Variants in CBLB observed in about 807,000 individuals in gnomAD.
The protein encoded by CBLB is Cbl proto-oncogene B, also known as E3 ubiquitin-protein ligase CBL-B.
Under a neutral mutation model 104.9 loss-of-function variants are expected in CBLB, and 31 were observed. That is an observed-to-expected ratio of 0.30 (90% CI 0.22 to 0.40). CBLB has a LOEUF of 0.40. Ranked by LOEUF, CBLB falls within the 10% of genes least tolerant of loss-of-function variation. The pLI is 1.00. For missense variants in CBLB, 1,062 were observed against 1,214.6 expected (o/e 0.87, Z 1.87); for synonymous variants, 440 against 422.6 (o/e 1.04, Z -0.51).
chr3:105,836,565 T>C (rs116432649), intron 3 of CBLB, among the ~76,000 whole-genome samples: 2,184 of 152,202 alleles, frequency 0.014, 45 homozygotes, highest in African/African-American at 0.05. Flanking sequence ...AAAGAAAAAC[T>C]ATTTCACAAA....
chr3:105,869,196 G>A, upstream of CBLB: 1 of 620,590 alleles, frequency 1.6e-6, no homozygotes, highest in Non-Finnish European at 2.8e-6. Context: ...AGTACACAAT[G>A]GCCCCAGAGG....
At chr3:105,757,416 A>G (rs1038767728) in intron 4 of CBLB, among the ~76,000 whole-genome samples, 3 of 152,190 alleles carry the variant, frequency 2.0e-5, no homozygotes, top group Admixed American at 1.3e-4. Flanking sequence ...GATGGCATGT[A>G]TCAGAACTAC....
chr3:105,751,239 C>T (rs540727812), intron 5 of CBLB, among the ~76,000 whole-genome samples: 166 of 152,314 alleles, frequency 1.1e-3, no homozygotes, highest in African/African-American at 3.3e-3. Flanking sequence ...CCACCAGGCT[C>T]ACAGCATCTG....
At chr3:105,794,483 G>T (rs1028511606) in intron 3 of CBLB, among the ~76,000 whole-genome samples, 1 of 152,160 alleles carries the variant, frequency 6.6e-6, no homozygotes, top group Non-Finnish European at 1.5e-5. Context: ...AATAATCACA[G>T]AATTGTACAG....
chr3:105,794,652 G>A (rs980791881), intron 3 of CBLB, among the ~76,000 whole-genome samples: 6 of 152,026 alleles, frequency 3.9e-5, no homozygotes, highest in Non-Finnish European at 7.4e-5. Flanking sequence ...GTACCTTATC[G>A]TATTATCCCC....
intron 3 of CBLB, among the ~76,000 whole-genome samples, chr3:105,853,151 T>C (rs1296931322): frequency 6.6e-6 from 1 of 152,186 alleles, no homozygotes; most frequent in Non-Finnish European, 1.5e-5. Context: ...CTAGGAGCAA[T>C]AGGCTACATC....
rs1303382228 is a variant in CBLB, at chr3:105,832,277, T to C, written c.419+21137A>G. Among the ~76,000 whole-genome samples, 3 of 152,248 alleles carry C rather than the reference T, an allele frequency of 2.0e-5. No homozygotes were observed. The East Asian group carries it at 5.8e-4, about 29-fold the overall frequency. The stretch of plus-strand genomic sequence containing the variant: ...TGTCCACTAAGAAGAAAATATAACA[T>C]GAATCAGGATAAATAACAAACATCA... On this transcript the variant is annotated intron_variant, in intron 3 of 18. Coordinates refer to ENST00000394030, the MANE Select transcript of CBLB (RefSeq NM_170662.5).
chr3:105,678,554 C>A lies in CBLB; in HGVS notation c.2446G>T (p.Ala816Ser), dbSNP rs764154324. The A allele has an allele frequency of 6.2e-7, 1 of 1,612,800 alleles. No individual in the cohort carries two copies. The change falls in exon 17 of 19, where the codon GCC becomes TCC. Residue 816 changes from alanine (A) to serine (S), a missense_variant. Transcript: ENST00000394030. The part of the protein sequence containing the change: ...IPPLGEDAFD[A>S]LPPSLPPPPP... ...GGAGGTGGGAGAGATGGAGGGAGGG[C>A]ATCAAAAGCATCTTCACCTGCATTT...
At chr3:105,662,610 T>G (rs559062650) in intron 18 of CBLB, among the ~76,000 whole-genome samples, 4 of 152,214 alleles carry the variant, frequency 2.6e-5, no homozygotes, top group African/African-American at 7.2e-5. Context: ...GTCATTAATA[T>G]TTTAAAGCAC....
chr3:105,805,062 C>CACCT (rs1359055455), intron 3 of CBLB, among the ~76,000 whole-genome samples: 4 of 152,148 alleles, frequency 2.6e-5, no homozygotes, highest in Admixed American at 1.3e-4. Context: ...AGCCCATGGC[C>CACCT]ACCTATTGGT....
intron 3 of CBLB, among the ~76,000 whole-genome samples, chr3:105,788,224 T>G (rs148683557): frequency 1.8e-4 from 27 of 152,270 alleles, no homozygotes; most frequent in African/African-American, 6.3e-4. Flanking sequence ...TCTCACTGAC[T>G]GCAAAGACAA....
chr3:105,834,971 C>G (rs2088220608), intron 3 of CBLB, among the ~76,000 whole-genome samples: 1 of 152,210 alleles, frequency 6.6e-6, no homozygotes, highest in African/African-American at 2.4e-5. Context: ...ACAACGCTGA[C>G]AAGGTGTACA....
chr3:105,711,380 T>A (rs2152806793), intron 10 of CBLB, among the ~76,000 whole-genome samples: 1 of 152,192 alleles, frequency 6.6e-6, no homozygotes. Context: ...AAGCATATTT[T>A]ACTTGCTACT....
chr3:105,660,533 C>A (rs551314162), intron 18 of CBLB, among the ~76,000 whole-genome samples: 55 of 152,230 alleles, frequency 3.6e-4, no homozygotes, highest in African/African-American at 1.3e-3. Context: ...TCATGAAATA[C>A]ACTTATGGAT....
At chr3:105,800,173 TC>T (rs1407452840) in intron 3 of CBLB, among the ~76,000 whole-genome samples, 1 of 152,084 alleles carries the variant, frequency 6.6e-6, no homozygotes, top group Non-Finnish European at 1.5e-5. Flanking sequence ...TCAGTGGTTT[TC>T]AAACCTACCT....
At position 105,656,196 on chromosome 3, in the gene CBLB, A is replaced by G. The variant is rs1559691243; in HGVS notation, c.*2774T>C. On this transcript the variant is annotated 3_prime_UTR_variant, in exon 19 of 19. Coordinates refer to ENST00000394030, the MANE Select transcript of CBLB (RefSeq NM_170662.5). ...GGATAAGTCCTTCTATCTCCAGAAC[A>G]TGTTTGGGTTGGGTGAGAAGGGTTG... 2 of 218,068 alleles carry G rather than the reference A, an allele frequency of 9.2e-6. No homozygotes were observed. The highest frequency in any genetic ancestry group is 1.9e-4 in the South Asian group (1 of 5,394). 13.5% of individuals were successfully genotyped at this position (218,068 alleles called of 1,614,324 possible).
chr3:105,852,488 A>G (rs188936863), intron 3 of CBLB, among the ~76,000 whole-genome samples: 6 of 152,330 alleles, frequency 3.9e-5, no homozygotes, highest in Non-Finnish European at 7.4e-5. Context: ...TGTTAATACC[A>G]GAGTCAAAAA....
At chr3:105,731,196 C>T (rs565314053) in intron 9 of CBLB, among the ~76,000 whole-genome samples, 35 of 152,240 alleles carry the variant, frequency 2.3e-4, no homozygotes, top group African/African-American at 6.7e-4. Context: ...ATTAGTAATA[C>T]AGAAAGACAA....
In CBLB at chr3:105,685,465, A is replaced by G. The variant is rs116545486; in HGVS notation, c.2056T>C (p.Cys686Arg). The change falls in exon 14 of 19, where the codon TGT becomes CGT. Residue 686 changes from cysteine (C) to arginine (R), a missense_variant and splice_region_variant. By Grantham distance (180) the Cys-to-Arg change is radical. Coordinates refer to ENST00000394030, the MANE Select transcript of CBLB (RefSeq NM_170662.5). ...PVTTLLPSIK[C>R]TGPLANSLSE... Reference sequence around the variant, plus strand: ...AGAGAATTTGCTAACGGACCAGTACACCTACCAGGGGAAAAAAAATCCAAT... The same window carrying G: ...AGAGAATTTGCTAACGGACCAGTACGCCTACCAGGGGAAAAAAAATCCAAT... 6.2e-7 allele frequency: 1 copy of G among 1,612,650 alleles called. No individual in the cohort carries two copies. The highest frequency in any genetic ancestry group is 8.5e-7 in the Non-Finnish European group (1 of 1,178,904).
Sources: gnomAD v4.1 joint callset for allele counts (sites outside exome capture counted in the v4.1 genomes callset) on GRCh38, gnomAD v4.1.1 for gene constraint, MANE v1.5 for transcripts, NCBI Gene and HGNC (gene_info 2026-07-23, HGNC 2026-07-21) for gene names.